SGCD: variants seen among roughly 807,000 people sequenced by gnomAD.
SGCD encodes delta-sarcoglycan.
Under a neutral mutation model 36.6 loss-of-function variants are expected in SGCD, and 18 were observed. The observed-to-expected ratio is 0.49, with a 90% CI of 0.34 to 0.73. SGCD has a LOEUF of 0.73. SGCD is among the 30% of genes least tolerant of loss of function. The pLI is 0.01. For missense variants in SGCD, 387 were observed against 346.7 expected (o/e 1.12, Z -0.92); for synonymous variants, 133 against 130.6 (o/e 1.02, Z -0.12).
intron 3 of SGCD, among the ~76,000 whole-genome samples, chr5:156,197,407 T>C (rs181503747): frequency 2.0e-4 from 30 of 152,190 alleles, no homozygotes; most frequent in Admixed American, 7.2e-4. Flanking sequence ...AAAAAGCATA[T>C]GTTGAATTAC....
At chr5:156,183,595 A>G (rs1200835195) in intron 3 of SGCD, among the ~76,000 whole-genome samples, 2 of 152,140 alleles carry the variant, frequency 1.3e-5, no homozygotes, top group African/African-American at 2.4e-5. Context: ...TTTAGTAGAG[A>G]CGAGGTTTCA....
chr5:156,022,498 A>G (rs1035024500), intron 1 of SGCD, among the ~76,000 whole-genome samples: 1 of 152,188 alleles, frequency 6.6e-6, no homozygotes, highest in African/African-American at 2.4e-5. Context: ...GCATTTTGCA[A>G]TGCTTAATTT....
chr5:155,921,873 T>TTCTAAGTCATGCAAAGA (rs919746276), intron 1 of SGCD, among the ~76,000 whole-genome samples: 8 of 152,214 alleles, frequency 5.3e-5, no homozygotes, highest in African/African-American at 1.7e-4. Flanking sequence ...CAATCAAGCA[T>TTCTAAGTCATGCAAAGA]AGCTTCTAAG....
chr5:156,554,340 G>A (rs1216812874), intron 4 of SGCD, among the ~76,000 whole-genome samples: 2 of 149,584 alleles, frequency 1.3e-5, no homozygotes, highest in Non-Finnish European at 3.0e-5. Context: ...TGGCAACAGA[G>A]CGAGAGTCTG....
chr5:156,294,679 TTC>T (rs1163984652), intron 3 of SGCD, among the ~76,000 whole-genome samples: 4 of 152,220 alleles, frequency 2.6e-5, no homozygotes, highest in Admixed American at 2.6e-4. Flanking sequence ...TGTTGAATGT[TTC>T]TGTCATGAAA....
chr5:156,595,098 T>C (rs1162119652), intron 6 of SGCD, 47 bp downstream of exon 6: 4 of 1,564,524 alleles, frequency 2.6e-6, no homozygotes, highest in Non-Finnish European at 3.5e-6. Flanking sequence ...ACTGTGTACA[T>C]TTTAGAGGAG....
chr5:155,899,594 A>G (rs942550604), intron 1 of SGCD, among the ~76,000 whole-genome samples: 1 of 152,192 alleles, frequency 6.6e-6, no homozygotes, highest in Admixed American at 6.5e-5. Context: ...TTTAGATTAG[A>G]AACGTCAAGA....
chr5:156,300,373 A>G (rs1263572391), intron 3 of SGCD, among the ~76,000 whole-genome samples: 9 of 152,060 alleles, frequency 5.9e-5, no homozygotes, highest in Admixed American at 5.9e-4. Context: ...CTCTTCATTG[A>G]CCCACTCATC....
chr5:156,500,850 A>G (rs933193474), intron 3 of SGCD, among the ~76,000 whole-genome samples: 5 of 152,176 alleles, frequency 3.3e-5, no homozygotes, highest in African/African-American at 1.2e-4. Context: ...CTTAAAATCA[A>G]CATAATAGCA....
chr5:155,882,250 A>G (rs1209779076), intron 1 of SGCD, among the ~76,000 whole-genome samples: 2 of 151,828 alleles, frequency 1.3e-5, no homozygotes, highest in Admixed American at 6.6e-5. Context: ...TTTTTTTTAA[A>G]AAACTTTTTA....
At chr5:156,175,348 T>G (rs1166336453) in intron 3 of SGCD, among the ~76,000 whole-genome samples, 1 of 152,142 alleles carries the variant, frequency 6.6e-6, no homozygotes, top group African/African-American at 2.4e-5. Flanking sequence ...TATGAATTGA[T>G]GAAATAGTGG....
chr5:155,907,307 T>C (rs1385765320), intron 1 of SGCD, among the ~76,000 whole-genome samples: 1 of 152,086 alleles, frequency 6.6e-6, no homozygotes, highest in Non-Finnish European at 1.5e-5. Context: ...AGGAGATGAG[T>C]GTTGCTTTCA....
intron 4 of SGCD, among the ~76,000 whole-genome samples, chr5:156,553,239 A>G (rs974052461): frequency 1.3e-5 from 2 of 152,210 alleles, no homozygotes; most frequent in Non-Finnish European, 2.9e-5. Context: ...ACCTCCCAGT[A>G]GGCCCCACCT....
At position 156,767,159 on chromosome 5, in the gene SGCD, C is replaced by T. The variant is rs1757605709; in HGVS notation, c.*7769C>T. On this transcript the variant is annotated 3_prime_UTR_variant, in exon 9 of 9. Coordinates refer to ENST00000337851, the MANE Select transcript of SGCD (RefSeq NM_000337.6). ...AACCTTACCAGAGCCAGAAATCTAG[C>T]TCTCTGGAAGAGATGCAAGATTCTA... 1 of 152,170 alleles carries T rather than the reference C, an allele frequency of 6.6e-6. No individual in the cohort carries two copies. The highest frequency in any genetic ancestry group is 6.5e-5 in the Admixed American group (1 of 15,276). 9.4% of individuals were successfully genotyped at this position (152,170 alleles called of 1,614,324 possible).
chr5:156,130,777 A>C (rs1004575001), intron 3 of SGCD, among the ~76,000 whole-genome samples: 6 of 150,586 alleles, frequency 4.0e-5, no homozygotes, highest in Non-Finnish European at 5.9e-5. Flanking sequence ...CTCAGGCTGG[A>C]GTACATTGGT....
At chr5:155,840,243 CTT>C in the SGCD span, among the ~76,000 whole-genome samples, 5 of 142,164 alleles carry the variant, frequency 3.5e-5, no homozygotes, top group African/African-American at 7.7e-5. Flanking sequence ...TTTGTTTTGC[CTT>C]TTTTTTTTTT....
At chr5:156,577,500 C>T (rs1215703041) in intron 4 of SGCD, among the ~76,000 whole-genome samples, 1 of 152,164 alleles carries the variant, frequency 6.6e-6, no homozygotes, top group Non-Finnish European at 1.5e-5. Flanking sequence ...TATAAACTAC[C>T]TTGGGCAGTA....
At chr5:155,891,859 G>T (rs1345266801) in intron 1 of SGCD, among the ~76,000 whole-genome samples, 1 of 152,030 alleles carries the variant, frequency 6.6e-6, no homozygotes, top group Non-Finnish European at 1.5e-5. Context: ...GCTTCTACTG[G>T]CTGTGAAAAT....
chr5:156,334,990 C>A (rs1429191316), intron 2 of SGCD, among the ~76,000 whole-genome samples: 2 of 152,180 alleles, frequency 1.3e-5, no homozygotes, highest in African/African-American at 4.8e-5. Context: ...TAAGTTCAGA[C>A]CCTAACCAAG....
Sources: gnomAD v4.1 joint callset for allele counts (sites outside exome capture counted in the v4.1 genomes callset) on GRCh38, gnomAD v4.1.1 for gene constraint, MANE v1.5 for transcripts, NCBI Gene and HGNC (gene_info 2026-07-23, HGNC 2026-07-21) for gene names.